TCF3: variants seen among roughly 807,000 people sequenced by gnomAD.
The protein encoded by TCF3 is transcription factor 3, also known as transcription factor E2-alpha.
In TCF3, 54 loss-of-function variants were observed where a neutral mutation model predicts 72.3. The observed-to-expected ratio is 0.75, with a 90% CI of 0.60 to 0.94. The LOEUF (loss-of-function observed/expected upper bound fraction) is 0.94. Ranked by LOEUF, TCF3 falls within the 40% of genes least tolerant of loss-of-function variation. The pLI, the probability that TCF3 is intolerant of heterozygous loss-of-function variation, is 0.00. For synonymous variants in TCF3, 525 were observed against 412.6 expected (o/e 1.27, Z -3.30); for missense variants, 1,078 against 934.4 (o/e 1.15, Z -2.00).
chr19:1,637,913 AAAAAAG>A (rs2064675331), intron 3 of TCF3, among the ~76,000 whole-genome samples: 2 of 152,308 alleles, frequency 1.3e-5, no homozygotes, highest in South Asian at 2.1e-4. Flanking sequence ...CACCTCAAAA[AAAAAAG>A]AAAAAGAAAA....
intron 5 of TCF3, among the ~76,000 whole-genome samples, chr19:1,627,847 GT>G (rs2063117270): frequency 2.5e-5 from 1 of 40,226 alleles, no homozygotes; most frequent in Non-Finnish European, 4.8e-5. Flanking sequence ...CTCACAGGGG[GT>G]GAGGCGGGAA....
At chr19:1,647,104 T>C (rs1345260154) in intron 2 of TCF3, among the ~76,000 whole-genome samples, 1 of 152,182 alleles carries the variant, frequency 6.6e-6, no homozygotes, top group Non-Finnish European at 1.5e-5. Flanking sequence ...GGGGAGAGGC[T>C]GCACCCCACA....
At chr19:1,621,668 C>T (rs2062235648) in intron 11 of TCF3, among the ~76,000 whole-genome samples, 170 bp downstream of exon 11, 1 of 152,216 alleles carries the variant, frequency 6.6e-6, no homozygotes, top group Non-Finnish European at 1.5e-5. Context: ...CCAAGCCCAA[C>T]GCACGTGGCA....
intron 2 of TCF3, among the ~76,000 whole-genome samples, chr19:1,649,385 G>A (rs944015224): frequency 9.9e-5 from 15 of 152,152 alleles, no homozygotes; most frequent in Non-Finnish European, 1.8e-4. Context: ...TGTTCACGGA[G>A]GGTGGTCCGC....
At chr19:1,642,831 A>G (rs1230550958) in intron 3 of TCF3, among the ~76,000 whole-genome samples, 1 of 152,144 alleles carries the variant, frequency 6.6e-6, no homozygotes, top group Non-Finnish European at 1.5e-5. Flanking sequence ...ACTCCCAGAC[A>G]CGCACCCGGA....
rs1313650183 is a variant in TCF3, at chr19:1,611,633, G to T, written c.*74C>A. The T allele has an allele frequency of 6.5e-7, 1 of 1,544,082 alleles. No homozygotes were observed. Among genetic ancestry groups the T allele is most frequent in the African/African-American group, 1.4e-5 (1 of 72,980 alleles). On this transcript the variant is annotated 3_prime_UTR_variant, in exon 19 of 19. Coordinates refer to ENST00000262965, the MANE Select transcript of TCF3 (RefSeq NM_003200.5). ...GAGGTGTGGATGTGGATGAAGCCCG[G>T]GGTCTCGAGTGGCCGTTCTGGGGCC...
rs751040541 is a variant in TCF3 at position 1,615,460 on chromosome 19, C to T, written c.1647G>A (p.Glu549=). 3 of 1,612,806 alleles carry T rather than the reference C, an allele frequency of 1.9e-6. No individual in the cohort carries two copies. Among genetic ancestry groups the T allele is most frequent in the Non-Finnish European group, 2.5e-6 (3 of 1,179,982 alleles). ...CCCGGGCGTTATTGGCCACCCGGCGCTCCTTCTCCCGCTCGGCCTTCTGCT... is the reference window on the plus strand; with the variant it reads ...CCCGGGCGTTATTGGCCACCCGGCGTTCCTTCTCCCGCTCGGCCTTCTGCT... ...PPEQKAEREK[E]RRVANNARER... is the part of the protein sequence containing the mutation. Residue 549 remains glutamate, a synonymous_variant, in exon 18 of 19, where the codon GAG becomes GAA. Transcript: ENST00000262965. The surrounding 1 kb of genome is among the most constrained non-coding windows in gnomAD (Gnocchi z 7.3).
rs1196088131 is a variant in TCF3, at chr19:1,613,152, CTGATGTG to C, written c.1823-1310_1823-1304del. On this transcript the variant is annotated intron_variant, in intron 18 of 18. Transcript: ENST00000262965. ...GTGGGCAGCAGTACGGGTCCACATG[CTGATGTG>C]TGTGTTGTCACATGCGTGAAAATGT... Among the ~76,000 whole-genome samples the C allele has an allele frequency of 2.6e-5, 4 of 152,098 alleles. No homozygotes were observed. In the East Asian group the frequency reaches 7.8e-4, roughly 29 times the overall value.
chr19:1,631,677 C>T (rs1327441907), intron 5 of TCF3, among the ~76,000 whole-genome samples: 1 of 152,220 alleles, frequency 6.6e-6, no homozygotes, highest in Non-Finnish European at 1.5e-5. Context: ...GGCCGCCCTC[C>T]CGAGTCTCCA....
intron 3 of TCF3, among the ~76,000 whole-genome samples, chr19:1,640,081 C>T (rs1471952778): frequency 6.6e-6 from 1 of 152,212 alleles, no homozygotes; most frequent in Admixed American, 6.5e-5. Flanking sequence ...AAAGTTGGCG[C>T]ATTGAGGACC....
At chr19:1,633,751 C>A (rs575111049) in intron 3 of TCF3, among the ~76,000 whole-genome samples, 3 of 152,264 alleles carry the variant, frequency 2.0e-5, no homozygotes, top group Admixed American at 1.3e-4. Flanking sequence ...CAGGAATCCA[C>A]ACGGCATTCG....
chr19:1,624,090 G>A lies in TCF3; in HGVS notation c.500-90C>T, dbSNP rs1599652668. 1.0e-5 allele frequency: 14 copies of A among 1,358,204 alleles called. No individual in the cohort carries two copies. The Middle Eastern group carries it at 5.4e-4, about 52-fold the overall frequency. The allele number at this position is 1,358,204 out of a possible 1,614,324, so 84.1% of individuals were successfully genotyped here. On this transcript the variant is annotated intron_variant, in intron 7 of 18. Transcript: ENST00000262965. The stretch of plus-strand genomic sequence containing the variant: ...TGGAGGAGAGACCCTCACAATTCCC[G>A]TTTCATATATTAAAAACCTCGGGTC...
chr19:1,611,892 A>G (rs777989214), intron 18 of TCF3, 43 bp from the exon 19 acceptor site: 1 of 1,191,150 alleles, frequency 8.4e-7, no homozygotes, highest in South Asian at 1.7e-5. Context: ...GGTCCCAGGG[A>G]GGAGAAAGAT....
intron 18 of TCF3, chr19:1,612,371 G>A (rs775120568): frequency 1.2e-5 from 20 of 1,613,910 alleles, no homozygotes; most frequent in African/African-American, 2.7e-5. Flanking sequence ...CGCGTTATTG[G>A]CCATGCGCCT....
rs1259604974 is a variant in TCF3 at position 1,614,123 on chromosome 19, T to C, written c.1822+1162A>G. ...CCACTGCTCTAGGTTGTGGTGAAGA[T>C]GAAATGGGTGAAGGTCTGGCCCAGT... On this transcript the variant is annotated intron_variant, in intron 18 of 18. Coordinates refer to ENST00000262965, the MANE Select transcript of TCF3 (RefSeq NM_003200.5). This position sits in a 1 kb window ranked among gnomAD's most constrained non-coding sequence, Gnocchi z 5.6. 6.6e-6 allele frequency among the ~76,000 whole-genome samples: 1 copy of C among 152,144 alleles called. No homozygotes were observed. Among genetic ancestry groups the C allele is most frequent in the Non-Finnish European group, 1.5e-5 (1 of 68,010 alleles).
At chr19:1,637,430 G>A (rs1410522422) in intron 3 of TCF3, among the ~76,000 whole-genome samples, 1 of 152,196 alleles carries the variant, frequency 6.6e-6, no homozygotes, top group African/African-American at 2.4e-5. Flanking sequence ...GGGCAGAGCT[G>A]GCCCCGAGAG....
intron 1 of TCF3, among the ~76,000 whole-genome samples, 151 bp downstream of exon 1, chr19:1,652,149 G>A (rs2067214578): frequency 6.7e-6 from 1 of 148,780 alleles, no homozygotes; most frequent in Admixed American, 6.6e-5. Flanking sequence ...GGAGAACAAT[G>A]ACTCCCGGGC....
intron 3 of TCF3, among the ~76,000 whole-genome samples, chr19:1,642,520 A>G (rs1460633377): frequency 6.6e-6 from 1 of 152,236 alleles, no homozygotes; most frequent in Non-Finnish European, 1.5e-5. Flanking sequence ...AACTTCAAGG[A>G]CGAGGGCCCA....
Position 1,615,321 on chromosome 19 carries a change from C to G in TCF3, c.1786G>C (p.Val596Leu). Residue 596 changes from valine (V) to leucine (L), a missense_variant, in exon 18 of 19, where the codon GTC (valine) becomes CTC (leucine). Transcript: ENST00000262965. This position sits in a 1 kb window ranked among gnomAD's most constrained non-coding sequence, Gnocchi z 7.3. ...QTKLLILHQAVSVILNLEQQV... is the reference protein window; with the variant it reads ...QTKLLILHQALSVILNLEQQV... ...TGCTCCAAGTTCAGGATGACCGAGA[C>G]AGCCTGGTGCAGGATGAGCAGTTTG... The G allele has an allele frequency of 6.2e-7, 1 of 1,606,064 alleles. No homozygotes were observed. The highest frequency in any genetic ancestry group is 8.5e-7 in the Non-Finnish European group (1 of 1,173,544).
Sources: allele counts gnomAD v4.1 joint callset (sites outside exome capture counted in the v4.1 genomes callset), GRCh38; gene constraint gnomAD v4.1.1; non-coding constraint Gnocchi (gnomAD v3.1); transcripts MANE v1.5; gene names NCBI Gene and HGNC (gene_info 2026-07-23, HGNC 2026-07-21).